The following ATP2C2 variants were observed in gnomAD, a reference collection of about 807,000 sequenced individuals.
The protein encoded by ATP2C2 is ATPase secretory pathway Ca2+ transporting 2.
Under a neutral mutation model 110.8 loss-of-function variants are expected in ATP2C2, and 171 were observed. That is an observed-to-expected ratio of 1.54 (90% CI 1.36 to 1.75). The LOEUF is 1.75. Ranked by LOEUF, ATP2C2 falls within the 40% of genes most tolerant of loss-of-function variation. The pLI is 0.00. For missense variants in ATP2C2, 1,963 were observed against 1,235.0 expected (o/e 1.59, Z -8.84); for synonymous variants, 804 against 508.4 (o/e 1.58, Z -7.82).
rs563426657 is a variant in ATP2C2, at chr16:84,398,168, G to A, written c.100-331G>A. On this transcript the variant is annotated intron_variant, in intron 1 of 26. Coordinates refer to ENST00000262429, the MANE Select transcript of ATP2C2 (RefSeq NM_014861.4). ...TTTAATCCCAGCACTTTGGGAGGCCGAGGCAAGCGGATCACCTGAGGTCAG... is the reference window on the plus strand; with the variant it reads ...TTTAATCCCAGCACTTTGGGAGGCCAAGGCAAGCGGATCACCTGAGGTCAG... Among the ~76,000 whole-genome samples, 86 of 152,132 alleles carry A rather than the reference G, an allele frequency of 5.7e-4. 2 individuals carry two copies. Among genetic ancestry groups the A allele is most frequent in the African/African-American group, 1.8e-3 (75 of 41,434 alleles).
chr16:84,386,341 T>G (rs1253090142), intron 1 of ATP2C2, among the ~76,000 whole-genome samples: 1 of 152,192 alleles, frequency 6.6e-6, no homozygotes, highest in East Asian at 1.9e-4. Context: ...GTCCAATAAA[T>G]ACCACAGGGT....
chr16:84,454,341 T>C (rs1910592316), intron 20 of ATP2C2, among the ~76,000 whole-genome samples: 1 of 152,246 alleles, frequency 6.6e-6, no homozygotes, highest in South Asian at 2.1e-4. Context: ...TTCTCGCCTG[T>C]GCTCTGAAAG....
chr16:84,449,052 C>T (rs950918120), intron 17 of ATP2C2, among the ~76,000 whole-genome samples: 10 of 152,184 alleles, frequency 6.6e-5, no homozygotes, highest in Non-Finnish European at 1.5e-4. Flanking sequence ...ATATTTTTTC[C>T]CTTAGCCATT....
chr16:84,462,923 C>G (rs529817274), intron 26 of ATP2C2: 1 of 153,312 alleles, frequency 6.5e-6, no homozygotes, highest in African/African-American at 2.4e-5. Context: ...GTCCTATGAC[C>G]TCCAGGCAAG....
chr16:84,445,122 G>C (rs16973812), intron 15 of ATP2C2, among the ~76,000 whole-genome samples: 1 of 152,034 alleles, frequency 6.6e-6, no homozygotes, highest in African/African-American at 2.4e-5. Context: ...TCCTTGACTC[G>C]CAGACGCATC....
At position 84,418,815 on chromosome 16, in the gene ATP2C2, G is replaced by A. The variant is rs1348178219; in HGVS notation, c.624+3224G>A. On this transcript the variant is annotated intron_variant, in intron 7 of 26. Transcript: ENST00000262429. Reference sequence around the variant, plus strand: ...TGTATCCGTTGCCCATGGCTGCTGTGGCAGATGACCGCTTACTTAGGGGCT... The same window carrying A: ...TGTATCCGTTGCCCATGGCTGCTGTAGCAGATGACCGCTTACTTAGGGGCT... Among the ~76,000 whole-genome samples, 5 of 152,166 alleles carry A rather than the reference G, an allele frequency of 3.3e-5. No homozygotes were observed. The East Asian group carries it at 9.6e-4, about 29-fold the overall frequency.
intron 1 of ATP2C2, among the ~76,000 whole-genome samples, chr16:84,393,552 A>T (rs893089066): frequency 6.6e-6 from 1 of 152,214 alleles, no homozygotes; most frequent in Non-Finnish European, 1.5e-5. Flanking sequence ...AGATAGAGAC[A>T]GCAAGTATAG....
At position 84,452,798 on chromosome 16, in the gene ATP2C2, C is replaced by T. The variant is rs73247825; in HGVS notation, c.1832-340C>T. 4.5e-3 allele frequency among the ~76,000 whole-genome samples: 691 copies of T among 152,214 alleles called. 6 individuals are homozygous for T. The highest frequency in any genetic ancestry group is 0.016 in the African/African-American group (658 of 41,530). ...ACAGGCATGAGCCACTGCGCCCAGCCCCTCTAGTTACTATTATATGGGTGG... is the reference window on the plus strand; with the variant it reads ...ACAGGCATGAGCCACTGCGCCCAGCTCCTCTAGTTACTATTATATGGGTGG... On this transcript the variant is annotated intron_variant, in intron 18 of 26. Coordinates refer to ENST00000262429, the MANE Select transcript of ATP2C2 (RefSeq NM_014861.4).
rs573470951 is a variant in ATP2C2, at chr16:84,434,424, AAAAC to A, written c.987-4730_987-4727del. On this transcript the variant is annotated intron_variant, in intron 11 of 26. Coordinates refer to ENST00000262429, the MANE Select transcript of ATP2C2 (RefSeq NM_014861.4). ...AGCAAGACTCCATCTCAAAAAACAA[AAAAC>A]AAACAAACAAAAAAATTCCCTATAT... 3.3e-3 allele frequency among the ~76,000 whole-genome samples: 505 copies of A among 152,096 alleles called. 7 individuals are homozygous for A. Among genetic ancestry groups the A allele is most frequent in the African/African-American group, 0.011 (475 of 41,476 alleles).
At chr16:84,414,765 A>G (rs553330426) in intron 6 of ATP2C2, among the ~76,000 whole-genome samples, 1 of 152,218 alleles carries the variant, frequency 6.6e-6, no homozygotes, top group Non-Finnish European at 1.5e-5. Flanking sequence ...AGGGGGCTGG[A>G]TGGAATGAGA....
chr16:84,445,182 C>A (rs1389754863), intron 15 of ATP2C2, among the ~76,000 whole-genome samples: 1 of 152,048 alleles, frequency 6.6e-6, no homozygotes, highest in Admixed American at 6.6e-5. Context: ...GAGGTGCTCC[C>A]CGCCACGCCT....
At chr16:84,455,070 A>AGT (rs1555568543) in intron 21 of ATP2C2, 86 bp downstream of exon 21, 11 of 1,198,578 alleles carry the variant, frequency 9.2e-6, no homozygotes, top group East Asian at 6.2e-5. Context: ...GTGGAGATAG[A>AGT]GGGGGGGGTC....
intron 17 of ATP2C2, among the ~76,000 whole-genome samples, chr16:84,450,319 G>C (rs1910142366): frequency 6.6e-6 from 1 of 152,174 alleles, no homozygotes; most frequent in Non-Finnish European, 1.5e-5. Flanking sequence ...GATGCCTGCT[G>C]CCTGGCAGGC....
chr16:84,446,312 T>C lies in ATP2C2; in HGVS notation c.1402-17T>C. Reference sequence around the variant, plus strand: ...CTTCGGATGACTCACTAAAAATGTGTCATTTTATTATGCTAGATGGACTTA... The same window carrying C: ...CTTCGGATGACTCACTAAAAATGTGCCATTTTATTATGCTAGATGGACTTA... On this transcript the variant is annotated splice_polypyrimidine_tract_variant and intron_variant, in intron 15 of 26. Transcript: ENST00000262429. The C allele has an allele frequency of 6.7e-7, 1 of 1,488,006 alleles. No individual in the cohort carries two copies. Among genetic ancestry groups the C allele is most frequent in the Non-Finnish European group, 9.2e-7 (1 of 1,091,080 alleles). 92.2% of individuals were successfully genotyped at this position (1,488,006 alleles called of 1,614,324 possible). A position where few individuals can be genotyped will look rare whatever the true frequency, so the allele number is the denominator to read the frequency against.
At position 84,444,162 on chromosome 16, in the gene ATP2C2, C is replaced by CAAAAAAA. The variant is rs71151217; in HGVS notation, c.1401+1579_1401+1585dup. On this transcript the variant is annotated intron_variant, in intron 15 of 26. Coordinates refer to ENST00000262429, the MANE Select transcript of ATP2C2 (RefSeq NM_014861.4). ...AGTCTAGATGAGAGAGATCCTGCCT[C>CAAAAAAA]AAAAAAAAAAAAAAAAAAAAAACAA... Among the ~76,000 whole-genome samples, 58 of 104,558 alleles carry CAAAAAAA rather than the reference C, an allele frequency of 5.5e-4. 1 individual carries two copies. The highest frequency in any genetic ancestry group is 1.2e-3 in the South Asian group (4 of 3,228). 68.6% of individuals were successfully genotyped at this position (104,558 alleles called of 152,430 possible).
intron 6 of ATP2C2, 77 bp downstream of exon 6, chr16:84,410,842 G>A (rs950101685): frequency 7.0e-7 from 1 of 1,425,150 alleles, no homozygotes; most frequent in East Asian, 2.3e-5. Context: ...AATGTTTGCT[G>A]AAAGTTGTAT....
intron 2 of ATP2C2, among the ~76,000 whole-genome samples, chr16:84,402,355 C>A (rs1905383464): frequency 6.6e-6 from 1 of 152,084 alleles, no homozygotes; most frequent in Non-Finnish European, 1.5e-5. Context: ...TTACAGTATT[C>A]TGTTGAATAG....
chr16:84,375,548 A>G (rs987402685), intron 1 of ATP2C2, among the ~76,000 whole-genome samples: 2 of 151,914 alleles, frequency 1.3e-5, no homozygotes, highest in African/African-American at 4.8e-5. Context: ...CTCAAAAAAA[A>G]AAAAAAAAGA....
Position 84,441,663 on chromosome 16 carries a change from A to G in ATP2C2, c.1311+705A>G, listed in dbSNP as rs528198982. Among the ~76,000 whole-genome samples, 5 of 151,840 alleles carry G rather than the reference A, an allele frequency of 3.3e-5. No individual in the cohort carries two copies. The East Asian group carries it at 7.9e-4, about 24-fold the overall frequency. On this transcript the variant is annotated intron_variant, in intron 14 of 26. Coordinates refer to ENST00000262429, the MANE Select transcript of ATP2C2 (RefSeq NM_014861.4). ...TGACCAGGCGTGGTGGCTCATGCCT[A>G]TAATCCCAGCACTTTGGGAGGCCAA...
Sources: gnomAD v4.1 joint callset for allele counts (sites outside exome capture counted in the v4.1 genomes callset) on GRCh38, gnomAD v4.1.1 for gene constraint, MANE v1.5 for transcripts, NCBI Gene and HGNC (gene_info 2026-07-23, HGNC 2026-07-21) for gene names.